LEPR: variants seen among roughly 807,000 people sequenced by gnomAD.
LEPR encodes the protein leptin receptor.
In LEPR, 56 loss-of-function variants were observed where a neutral mutation model predicts 114.7. That is an observed-to-expected ratio of 0.49 (90% CI 0.39 to 0.61). LEPR has a LOEUF of 0.61. LEPR is among the 20% of genes least tolerant of loss of function. LEPR has a pLI of 0.00. For missense variants in LEPR, 1,202 were observed against 1,352.9 expected (o/e 0.89, Z 1.75); for synonymous variants, 443 against 461.4 (o/e 0.96, Z 0.51).
intron 2 of LEPR, among the ~76,000 whole-genome samples, chr1:65,465,818 G>A (rs914826369): frequency 1.3e-5 from 2 of 152,098 alleles, no homozygotes; most frequent in Non-Finnish European, 2.9e-5. Flanking sequence ...TTGGTTTAAA[G>A]TCTGTTTTAT....
intron 2 of LEPR, among the ~76,000 whole-genome samples, chr1:65,437,133 C>T (rs1411967479): frequency 1.3e-5 from 2 of 152,182 alleles, no homozygotes; most frequent in African/African-American, 2.4e-5. Context: ...AAATGAGTTA[C>T]GTGAGTTCTG....
chr1:65,429,289 C>A (rs1433149125), intron 2 of LEPR, among the ~76,000 whole-genome samples: 1 of 151,978 alleles, frequency 6.6e-6, no homozygotes, highest in African/African-American at 2.4e-5. Flanking sequence ...AGCGCAAAGG[C>A]CCCAGGATAA....
intron 2 of LEPR, among the ~76,000 whole-genome samples, chr1:65,516,200 T>G (rs1274935338): frequency 6.6e-6 from 1 of 152,130 alleles, no homozygotes; most frequent in East Asian, 1.9e-4. Flanking sequence ...TTTGGGAGGC[T>G]GAGGCAGGCG....
intron 2 of LEPR, among the ~76,000 whole-genome samples, chr1:65,530,154 T>C (rs1650282994): frequency 1.3e-5 from 2 of 152,224 alleles, no homozygotes; most frequent in Non-Finnish European, 2.9e-5. Flanking sequence ...CTATCTGCAG[T>C]CTTCCTCATC....
chr1:65,597,020 A>T (rs1656110324), intron 7 of LEPR, among the ~76,000 whole-genome samples: 1 of 152,078 alleles, frequency 6.6e-6, no homozygotes, highest in Non-Finnish European at 1.5e-5. Context: ...TTTAGCAGGA[A>T]CACCCCCACC....
chr1:65,574,899 C>T (rs905775900), intron 5 of LEPR, among the ~76,000 whole-genome samples: 1 of 152,064 alleles, frequency 6.6e-6, no homozygotes, highest in Non-Finnish European at 1.5e-5. Flanking sequence ...AGGCAGAGCT[C>T]ATTCGGGGGA....
At chr1:65,528,116 G>A (rs914123796) in intron 2 of LEPR, among the ~76,000 whole-genome samples, 1 of 151,100 alleles carries the variant, frequency 6.6e-6, no homozygotes, top group Non-Finnish European at 1.5e-5. Context: ...TTTGTGAAGT[G>A]CAATATTTCT....
intron 2 of LEPR, among the ~76,000 whole-genome samples, chr1:65,450,793 G>C (rs1012925057): frequency 4.6e-4 from 70 of 151,896 alleles, no homozygotes; most frequent in African/African-American, 1.6e-3. Flanking sequence ...TATACACCCA[G>C]TAATGGGATG....
intron 2 of LEPR, among the ~76,000 whole-genome samples, chr1:65,503,587 A>G (rs999766712): frequency 5.9e-5 from 9 of 152,164 alleles, no homozygotes; most frequent in Admixed American, 5.9e-4. Context: ...AGAATTAAGT[A>G]AATGGAATGT....
At chr1:65,556,125 G>A (rs1203294615) in intron 2 of LEPR, among the ~76,000 whole-genome samples, 1 of 152,122 alleles carries the variant, frequency 6.6e-6, no homozygotes, top group African/African-American at 2.4e-5. Flanking sequence ...AGAGGCTGCA[G>A]CGGAGCTTGT....
intron 1 of LEPR, 35 bp from the exon 2 acceptor site, chr1:65,425,268 G>T: frequency 6.3e-7 from 1 of 1,597,658 alleles, no homozygotes; most frequent in Non-Finnish European, 8.6e-7. Flanking sequence ...AACCTCTACT[G>T]TGGGAACTTT....
chr1:65,512,388 C>G (rs146921602), intron 2 of LEPR, among the ~76,000 whole-genome samples: 1 of 152,268 alleles, frequency 6.6e-6, no homozygotes, highest in East Asian at 1.9e-4. Flanking sequence ...GGAATAGCTG[C>G]GTGATGAAGG....
At chr1:65,517,415 C>G (rs532452381) in intron 2 of LEPR, among the ~76,000 whole-genome samples, 4 of 152,260 alleles carry the variant, frequency 2.6e-5, no homozygotes, top group African/African-American at 7.2e-5. Context: ...TCACCCTGAC[C>G]ATCTTGAAAA....
At chr1:65,421,318 T>G in intron 1 of LEPR, 2 of 1,530,434 alleles carry the variant, frequency 1.3e-6, no homozygotes, top group Admixed American at 2.0e-5. Flanking sequence ...TTTTCTCTGT[T>G]TATGGACAGA....
At chr1:65,634,699 T>G (rs1658652757) in intron 19 of LEPR, 1 of 959,166 alleles carries the variant, frequency 1.0e-6, no homozygotes, top group African/African-American at 1.8e-5. Context: ...ATGGTTATGG[T>G]TTTTTTGTAT....
At chr1:65,567,482 A>G (rs185588777) in intron 3 of LEPR, among the ~76,000 whole-genome samples, 16 of 152,336 alleles carry the variant, frequency 1.1e-4, no homozygotes, top group Admixed American at 6.5e-4. Context: ...ACATAATTGT[A>G]ATATGGATTT....
At chr1:65,622,464 G>A (rs1215061697) in intron 18 of LEPR, among the ~76,000 whole-genome samples, 3 of 152,102 alleles carry the variant, frequency 2.0e-5, no homozygotes, top group African/African-American at 7.2e-5. Context: ...GTCCAGTGTG[G>A]TTATTTTACA....
chr1:65,592,745 G>A lies in LEPR; in HGVS notation c.583G>A (p.Glu195Lys). 1 of 1,613,314 alleles carries A rather than the reference G, an allele frequency of 6.2e-7. No homozygotes were observed. The highest frequency in any genetic ancestry group is 8.5e-7 in the Non-Finnish European group (1 of 1,179,510). The change falls in exon 6 of 20, where the codon GAA (glutamate) becomes AAA (lysine). Residue 195 changes from glutamate (E) to lysine (K), a missense_variant. Physicochemically the swap from Glu to Lys is moderately conservative, Grantham distance 56 (BLOSUM62 1). Transcript: ENST00000349533. ...CAATTGCAGTGTTCATGAATGTTGT[G>A]AATGTCTTGTGCCTGTGCCAACAGC... is the stretch of plus-strand genomic sequence containing the variant. Reference protein sequence around the residue: ...HCNCSVHECCECLVPVPTAKL... With the variant: ...HCNCSVHECCKCLVPVPTAKL...
chr1:65,542,741 G>T (rs887675175), intron 2 of LEPR, among the ~76,000 whole-genome samples: 26 of 151,888 alleles, frequency 1.7e-4, no homozygotes, highest in African/African-American at 6.1e-4. Context: ...GTGTTAGTTT[G>T]CTGAGAATGA....
Sources: allele counts gnomAD v4.1 joint callset (sites outside exome capture counted in the v4.1 genomes callset), GRCh38; gene constraint gnomAD v4.1.1; transcripts MANE v1.5; gene names NCBI Gene and HGNC (gene_info 2026-07-23, HGNC 2026-07-21).